RAPGEF4: variants seen among roughly 807,000 people sequenced by gnomAD.
RAPGEF4 encodes RAP guanine-nucleotide-exchange factor (GEF) 4.
In RAPGEF4, 66 loss-of-function variants were observed where a neutral mutation model predicts 147.9. The ratio of observed to expected loss-of-function variants is 0.45; its 90% confidence interval spans 0.37 to 0.55. RAPGEF4 has a LOEUF of 0.55. RAPGEF4 is among the 20% of genes least tolerant of loss of function. The pLI, the probability that RAPGEF4 is intolerant of heterozygous loss-of-function variation, is 0.00. For missense variants in RAPGEF4, 1,071 were observed against 1,257.3 expected (o/e 0.85, Z 2.24); for synonymous variants, 419 against 442.7 (o/e 0.95, Z 0.67).
chr2:172,932,838 G>A (rs187543295), intron 6 of RAPGEF4, among the ~76,000 whole-genome samples: 29 of 152,174 alleles, frequency 1.9e-4, no homozygotes, highest in Admixed American at 9.8e-4. Context: ...TTAAATATTC[G>A]TGTTTTAAAA....
chr2:173,005,070 T>G (rs2105826219), intron 17 of RAPGEF4, among the ~76,000 whole-genome samples: 1 of 152,154 alleles, frequency 6.6e-6, no homozygotes, highest in South Asian at 2.1e-4. Context: ...TCATAATTAT[T>G]TTCTCAGCCT....
chr2:172,883,219 C>A (rs533874880), intron 4 of RAPGEF4, among the ~76,000 whole-genome samples: 1 of 152,290 alleles, frequency 6.6e-6, no homozygotes, highest in Middle Eastern at 3.4e-3. Flanking sequence ...TTCTCTCTTA[C>A]AGTTCTAGAG....
intron 4 of RAPGEF4, among the ~76,000 whole-genome samples, chr2:172,883,432 C>T (rs1696840665): frequency 6.6e-6 from 1 of 152,114 alleles, no homozygotes; most frequent in South Asian, 2.1e-4. Flanking sequence ...CCCATTAGGC[C>T]CCACCTCCCA....
At chr2:173,041,142 TTTTA>T (rs1270966278) in intron 29 of RAPGEF4, among the ~76,000 whole-genome samples, 1 of 152,228 alleles carries the variant, frequency 6.6e-6, no homozygotes, top group African/African-American at 2.4e-5. Context: ...TTTTGAATCC[TTTTA>T]TTTTTGTATC....
chr2:173,003,655 A>G (rs66771390), intron 17 of RAPGEF4, among the ~76,000 whole-genome samples: 42,111 of 151,884 alleles, frequency 0.28, 6,466 homozygotes, highest in African/African-American at 0.39. Flanking sequence ...CCCAGGGCAA[A>G]TAGCTGAGTT....
At chr2:172,986,804 C>T (rs1423252520) in intron 12 of RAPGEF4, among the ~76,000 whole-genome samples, 1 of 152,046 alleles carries the variant, frequency 6.6e-6, no homozygotes, top group Non-Finnish European at 1.5e-5. Context: ...AGCAATTCTC[C>T]TGCCTCAGCC....
chr2:172,799,944 T>C (rs1193037345), intron 3 of RAPGEF4, among the ~76,000 whole-genome samples: 1 of 152,206 alleles, frequency 6.6e-6, no homozygotes, highest in Non-Finnish European at 1.5e-5. Context: ...CCTTAACCAG[T>C]TATCTCTCAC....
At chr2:172,897,773 A>ATTTTATTTTATTTTATTTTATTTATTTTG (rs1698660119) in intron 4 of RAPGEF4, among the ~76,000 whole-genome samples, 3 of 15,180 alleles carry the variant, frequency 2.0e-4, no homozygotes. Flanking sequence ...TATTTATTTT[A>ATTTTATTTTATTTTATTTTATTTATTTTG]TAGAGCAAAC....
At chr2:172,967,157 G>A in intron 9 of RAPGEF4, 104 bp from the exon 10 acceptor site, 1 of 1,162,520 alleles carries the variant, frequency 8.6e-7, no homozygotes, top group Non-Finnish European at 1.2e-6. Flanking sequence ...TCCCGGCTTT[G>A]CTGCCACTTG....
At chr2:172,977,437 G>A (rs1235171267) in intron 10 of RAPGEF4, among the ~76,000 whole-genome samples, 3 of 152,124 alleles carry the variant, frequency 2.0e-5, no homozygotes, top group African/African-American at 7.2e-5. Flanking sequence ...TCTTTGAGGG[G>A]TGGGGTGGAT....
At chr2:172,901,514 T>C (rs375212656) in intron 4 of RAPGEF4, among the ~76,000 whole-genome samples, 1 of 152,252 alleles carries the variant, frequency 6.6e-6, no homozygotes, top group African/African-American at 2.4e-5. Flanking sequence ...TTAGGCTGAT[T>C]TTTCTTTCAA....
chr2:172,960,268 G>A (rs551656049), intron 6 of RAPGEF4, among the ~76,000 whole-genome samples: 18 of 152,146 alleles, frequency 1.2e-4, no homozygotes, highest in Non-Finnish European at 2.2e-4. Context: ...CCAAGAAGTC[G>A]CATTTAAAAA....
intron 10 of RAPGEF4, among the ~76,000 whole-genome samples, chr2:172,977,099 G>A (rs547835389): frequency 6.6e-6 from 1 of 152,332 alleles, no homozygotes; most frequent in Admixed American, 6.5e-5. Context: ...ACTCAGAGCA[G>A]CCAGAGAGTC....
intron 30 of RAPGEF4, among the ~76,000 whole-genome samples, chr2:173,049,317 C>T (rs986902835): frequency 2.6e-5 from 4 of 152,128 alleles, no homozygotes; most frequent in Admixed American, 1.3e-4. Flanking sequence ...CATACTAGAC[C>T]AGTGCTACTG....
chr2:172,738,573 T>C (rs1313055673), intron 1 of RAPGEF4, among the ~76,000 whole-genome samples: 2 of 152,202 alleles, frequency 1.3e-5, no homozygotes, highest in Admixed American at 1.3e-4. Context: ...ATGAATATGC[T>C]AATTTCTTCC....
At chr2:172,811,284 G>A (rs116537712) in intron 3 of RAPGEF4, among the ~76,000 whole-genome samples, 4 of 152,230 alleles carry the variant, frequency 2.6e-5, no homozygotes, top group Non-Finnish European at 4.4e-5. Flanking sequence ...ATCTGGCAGG[G>A]CTCCAGCAGC....
At chr2:172,832,367 AACTAC>A (rs1690455902) in intron 4 of RAPGEF4, among the ~76,000 whole-genome samples, 1 of 152,210 alleles carries the variant, frequency 6.6e-6, no homozygotes. Context: ...AGACAAGGCT[AACTAC>A]ATAATTTGTG....
At chr2:172,788,374 G>A (rs770010229) in intron 1 of RAPGEF4, among the ~76,000 whole-genome samples, 10 of 152,168 alleles carry the variant, frequency 6.6e-5, no homozygotes, top group Non-Finnish European at 1.5e-4. Flanking sequence ...AACGTTGTAA[G>A]GAAAAGCTCC....
chr2:172,920,463 T>C (rs981756819), intron 5 of RAPGEF4, among the ~76,000 whole-genome samples: 2 of 152,204 alleles, frequency 1.3e-5, no homozygotes, highest in Non-Finnish European at 2.9e-5. Flanking sequence ...GGCCATGCTA[T>C]GGTCATCTGG....
Sources: gnomAD v4.1 joint callset for allele counts (sites outside exome capture counted in the v4.1 genomes callset) on GRCh38, gnomAD v4.1.1 for gene constraint, MANE v1.5 for transcripts, NCBI Gene and HGNC (gene_info 2026-07-23, HGNC 2026-07-21) for gene names.